The following TMEM150B variants were observed in gnomAD, a reference collection of about 807,000 sequenced individuals.
TMEM150B encodes the protein transmembrane protein 150B.
A neutral mutation model predicts 25.2 loss-of-function variants in TMEM150B; 33 were observed. That is an observed-to-expected ratio of 1.31 (90% CI 0.99 to 1.75). TMEM150B has a LOEUF of 1.75. Ranked by LOEUF, TMEM150B falls within the 40% of genes most tolerant of loss-of-function variation. The pLI is 0.00. For synonymous variants in TMEM150B, 133 were observed against 134.8 expected, an observed-to-expected ratio of 0.99 and a Z score of 0.09; for missense variants, 322 against 306.1, an observed-to-expected ratio of 1.05 and a Z score of -0.39.
At chr19:55,309,459 A>G (rs1311039998), downstream of TMEM150B, among the ~76,000 whole-genome samples, 6 of 152,198 alleles carry the variant, frequency 3.9e-5, no homozygotes, top group Admixed American at 3.3e-4. Flanking sequence ...AATAACAGAA[A>G]TTTATTGCTG....
rs1003426886 is a variant in TMEM150B, at chr19:55,313,142, C to G, written c.506-87G>C. The G allele has an allele frequency of 4.4e-6, 6 of 1,373,192 alleles. No homozygotes were observed. The East Asian group carries it at 1.0e-4, about 23-fold the overall frequency. The allele number at this position is 1,373,192 out of a possible 1,614,324, so 85.1% of individuals were successfully genotyped here. A position where few individuals can be genotyped will look rare whatever the true frequency, so the allele number is the denominator to read the frequency against. On this transcript the variant is annotated intron_variant, in intron 7 of 7. Transcript: ENST00000326652. The stretch of plus-strand genomic sequence containing the variant: ...GTGCCGCCTCGCGCTGGGCGGAGGC[C>G]GTCTCTGGGTGTCCCCATCCTCAGC...
At chr19:55,309,703 T>C (rs763083077), downstream of TMEM150B, among the ~76,000 whole-genome samples, 1 of 152,162 alleles carries the variant, frequency 6.6e-6, no homozygotes, top group Non-Finnish European at 1.5e-5. Context: ...ACCTTGGGAT[T>C]GGGTTTCAGC....
rs770579254 is a variant in TMEM150B, at chr19:55,313,029, G to A, written c.532C>T (p.Arg178Cys). The A allele has an allele frequency of 3.1e-6, 5 of 1,612,696 alleles. No individual in the cohort carries two copies. The highest frequency in any genetic ancestry group is 1.3e-5 in the African/African-American group (1 of 74,914). ...CACTCGCAGGCCGCAGAGACGCTAC[G>A]CAGCGAGCAGGCGTGGAGGACGATC... ...AMIVLHACSL[R>C]SVSAACEWVV... is the part of the protein sequence containing the mutation. The change falls in exon 8 of 8, where the codon CGT becomes TGT. Residue 178 changes from arginine to cysteine, a missense_variant. Physicochemically the swap from Arg to Cys is radical, Grantham distance 180 (BLOSUM62 -3). Transcript: ENST00000326652.
Position 55,316,793 on chromosome 19 carries a change from A to C in TMEM150B, c.498T>G (p.Ile166Met). 6.5e-7 allele frequency: 1 copy of C among 1,529,418 alleles called. No individual in the cohort carries two copies. The highest frequency in any genetic ancestry group is 1.4e-5 in the African/African-American group (1 of 70,330). 94.7% of individuals were successfully genotyped at this position (1,529,418 alleles called of 1,614,324 possible). A position where few individuals can be genotyped will look rare whatever the true frequency, so the allele number is the denominator to read the frequency against. ...LGLCSVCTIL[I>M]VAMIVLHACS... The stretch of plus-strand genomic sequence containing the variant: ...CGGATACAAGAAGGATACTGGCCAC[A>C]ATGAGGATGGTGCAGACGCTGCAGA... Residue 166 changes from isoleucine to methionine, a missense_variant, in exon 7 of 8, where the codon ATT (isoleucine) becomes ATG (methionine). By Grantham distance (10) the Ile-to-Met change is conservative. Transcript: ENST00000326652.
At chr19:55,317,102 A>C in intron 6 of TMEM150B, 136 bp from the exon 7 acceptor site, 6 of 714,188 alleles carry the variant, frequency 8.4e-6, no homozygotes, top group Non-Finnish European at 1.3e-5. Context: ...CTTATTAAGC[A>C]CATCAGCTAT....
chr19:55,324,762 C>T, intron 1 of TMEM150B: 1 of 985,486 alleles, frequency 1.0e-6, no homozygotes, highest in Non-Finnish European at 1.2e-6. Flanking sequence ...TGCCAAATGC[C>T]TCTCCTCTGG....
chr19:55,320,341 C>T (rs766458890), intron 5 of TMEM150B, 50 bp downstream of exon 5: 1 of 1,506,334 alleles, frequency 6.6e-7, no homozygotes, highest in Non-Finnish European at 8.9e-7. Context: ...TTTCGGAACT[C>T]GCTTGGCTGG....
At chr19:55,317,957 A>G (rs920813407) in intron 6 of TMEM150B, among the ~76,000 whole-genome samples, 3 of 152,130 alleles carry the variant, frequency 2.0e-5, no homozygotes, top group African/African-American at 7.2e-5. Flanking sequence ...CATCTCAAAA[A>G]TAAATAAACA....
rs1431403736 is a variant in TMEM150B at position 55,320,050 on chromosome 19, C to G, written c.313G>C (p.Gly105Arg). 1 of 1,614,124 alleles carries G rather than the reference C, an allele frequency of 6.2e-7. No homozygotes were observed. The highest frequency in any genetic ancestry group is 1.1e-5 in the South Asian group (1 of 91,080). Reference protein sequence around the residue: ...LLCALGTSVVGNFQEKNQRPT... With the variant: ...LLCALGTSVVRNFQEKNQRPT... ...CGACTGGGTCTCACCTGGAAATTGC[C>G]TACCACGGAGGTGCCCAGGGCACAC... The change falls in exon 6 of 8, where the codon GGC (glycine) becomes CGC (arginine). Residue 105 changes from glycine to arginine, a missense_variant. By Grantham distance (125) the Gly-to-Arg change is moderately radical. Transcript: ENST00000326652.
chr19:55,312,524 C>T (rs183293646), downstream of TMEM150B: 583 of 166,144 alleles, frequency 3.5e-3, 4 homozygotes, highest in African/African-American at 0.017. Context: ...TCTCTGATTC[C>T]GCCGGCGGCA....
At chr19:55,313,933 C>T (rs2088902674) in intron 7 of TMEM150B, among the ~76,000 whole-genome samples, 1 of 151,908 alleles carries the variant, frequency 6.6e-6, no homozygotes, top group Admixed American at 6.6e-5. Context: ...GAAGTGGTGG[C>T]TCACGCCTAC....
At chr19:55,314,865 G>A (rs1239558623) in intron 7 of TMEM150B, among the ~76,000 whole-genome samples, 1 of 152,152 alleles carries the variant, frequency 6.6e-6, no homozygotes, top group Non-Finnish European at 1.5e-5. Context: ...CCAAGAAACG[G>A]ATGCACTTAA....
At chr19:55,317,142 TCTG>T (rs2089032460) in intron 6 of TMEM150B, among the ~76,000 whole-genome samples, 176 bp from the exon 7 acceptor site, 2 of 152,178 alleles carry the variant, frequency 1.3e-5, no homozygotes, top group African/African-American at 4.8e-5. Context: ...GGCATTGAAA[TCTG>T]TTGTTCACTG....
chr19:55,318,218 G>A (rs957924966), intron 6 of TMEM150B, among the ~76,000 whole-genome samples: 5 of 151,650 alleles, frequency 3.3e-5, no homozygotes, highest in South Asian at 2.1e-4. Flanking sequence ...AAAAGTAGCC[G>A]GGCGTGGTGG....
rs1177340791 is a variant in TMEM150B at position 55,316,632 on chromosome 19, G to A, written c.505+154C>T. The A allele has an allele frequency of 1.5e-5, 12 of 803,610 alleles. 1 individual carries two copies. In the South Asian group the frequency reaches 2.6e-4, roughly 18 times the overall value. 49.8% of individuals were successfully genotyped at this position (803,610 alleles called of 1,614,324 possible). Reference sequence around the variant, plus strand: ...CTTCCAACCTGGGCAACCTGACCCCGAAGTCGGCATTCTCGATGACAAAGC... The same window carrying A: ...CTTCCAACCTGGGCAACCTGACCCCAAAGTCGGCATTCTCGATGACAAAGC... On this transcript the variant is annotated intron_variant, in intron 7 of 7. Coordinates refer to ENST00000326652, the MANE Select transcript of TMEM150B (RefSeq NM_001282011.2).
chr19:55,321,832 G>A lies in TMEM150B; in HGVS notation c.-57-739C>T, dbSNP rs556578955. 3.9e-4 allele frequency among the ~76,000 whole-genome samples: 60 copies of A among 152,188 alleles called. 1 individual carries two copies. Among genetic ancestry groups the A allele is most frequent in the African/African-American group, 1.1e-3 (45 of 41,530 alleles). ...TACCCAAGAGTGAGGGCCTCAGGTC[G>A]GCCTGCTCTCTGGGTGAAGCTTCTG... On this transcript the variant is annotated intron_variant, in intron 2 of 7. Coordinates refer to ENST00000326652, the MANE Select transcript of TMEM150B (RefSeq NM_001282011.2).
At chr19:55,312,766 T>A, downstream of TMEM150B, 1 of 1,335,512 alleles carries the variant, frequency 7.5e-7, no homozygotes, top group Non-Finnish European at 1.0e-6. Flanking sequence ...TGGAGAGATC[T>A]CCAGTGGCTC....
At chr19:55,317,273 G>A (rs1369426597) in intron 6 of TMEM150B, among the ~76,000 whole-genome samples, 1 of 152,160 alleles carries the variant, frequency 6.6e-6, no homozygotes, top group African/African-American at 2.4e-5. Flanking sequence ...AATTGGTCTT[G>A]CAGGTGAAAA....
At chr19:55,322,542 A>G in intron 2 of TMEM150B, 106 bp downstream of exon 2, 1 of 360,122 alleles carries the variant, frequency 2.8e-6, no homozygotes, top group Non-Finnish European at 3.9e-6. Flanking sequence ...CACCTGTTTC[A>G]GTGTTCAGTC....
Sources: gnomAD v4.1 joint callset for allele counts (sites outside exome capture counted in the v4.1 genomes callset) on GRCh38, gnomAD v4.1.1 for gene constraint, MANE v1.5 for transcripts, NCBI Gene and HGNC (gene_info 2026-07-23, HGNC 2026-07-21) for gene names.